RORA: variants seen among roughly 807,000 people sequenced by gnomAD.
RORA encodes the protein nuclear receptor ROR-alpha.
A neutral mutation model predicts 69.5 loss-of-function variants in RORA; 7 were observed. The ratio of observed to expected loss-of-function variants is 0.10; its 90% CI spans 0.06 to 0.19. The LOEUF (loss-of-function observed/expected upper bound fraction) is 0.19. Among genes scored for constraint, RORA ranks in the 10% least tolerant of loss-of-function variants. The pLI is 1.00. For missense variants in RORA, 457 were observed against 663.0 expected (o/e 0.69, Z 3.41); for synonymous variants, 261 against 240.8 (o/e 1.08, Z -0.78).
intron 1 of RORA, among the ~76,000 whole-genome samples, chr15:61,040,143 T>G (rs939639689): frequency 1.8e-5 from 2 of 111,440 alleles, no homozygotes; most frequent in African/African-American, 6.2e-5. Flanking sequence ...TATATATATA[T>G]ATATATATAT....
intron 1 of RORA, among the ~76,000 whole-genome samples, chr15:61,029,983 G>A (rs926478348): frequency 6.6e-6 from 1 of 152,146 alleles, no homozygotes; most frequent in African/African-American, 2.4e-5. Flanking sequence ...GAGATGACAG[G>A]AAGGCTTGAG....
chr15:61,191,914 C>T (rs2079803913), intron 1 of RORA, among the ~76,000 whole-genome samples: 1 of 152,250 alleles, frequency 6.6e-6, no homozygotes, highest in South Asian at 2.1e-4. Context: ...TATTGCCATT[C>T]AAGCTTCGCT....
intron 1 of RORA, among the ~76,000 whole-genome samples, chr15:60,773,256 A>C (rs1217812755): frequency 6.6e-6 from 1 of 152,186 alleles, no homozygotes; most frequent in African/African-American, 2.4e-5. Flanking sequence ...TGACTTGAAG[A>C]ATGATCTTTA....
intron 2 of RORA, chr15:60,592,628 G>C (rs2068563584): frequency 8.8e-7 from 1 of 1,141,402 alleles, no homozygotes; most frequent in Non-Finnish European, 1.1e-6. Context: ...GCTTCCTCCC[G>C]GGGCGGGAGG....
intron 1 of RORA, among the ~76,000 whole-genome samples, chr15:61,040,906 A>C (rs778884607): frequency 3.9e-5 from 6 of 152,246 alleles, no homozygotes; most frequent in Non-Finnish European, 8.8e-5. Flanking sequence ...AGAAACCAAA[A>C]GCAACTATAG....
rs1277380120 is a variant in RORA at position 61,213,598 on chromosome 15, C to A, written c.166+15455G>T. On this transcript the variant is annotated intron_variant, in intron 1 of 10. Transcript: ENST00000335670. The surrounding 1 kb of genome is among the most constrained non-coding windows in gnomAD (Gnocchi z 4.1). ...GCCTGGAATGCCCTGTCACTTTTTGCCAAAAGAATCTCCTCATTTTTCTAA... is the reference window on the plus strand; with the variant it reads ...GCCTGGAATGCCCTGTCACTTTTTGACAAAAGAATCTCCTCATTTTTCTAA... Among the ~76,000 whole-genome samples, 7 of 152,044 alleles carry A rather than the reference C, an allele frequency of 4.6e-5. No individual in the cohort carries two copies. The highest frequency in any genetic ancestry group is 4.6e-4 in the Admixed American group (7 of 15,270).
chr15:60,579,300 C>T lies in RORA; in HGVS notation c.197-47449G>A, dbSNP rs1003422939. ...AGCTTCTGAGAGGGCCTTGGGGCCC[C>T]GCAGGGGGTCCCTGGATCACACATT... On this transcript the variant is annotated intron_variant, in intron 2 of 10. Transcript: ENST00000335670. 2.6e-5 allele frequency among the ~76,000 whole-genome samples: 4 copies of T among 152,200 alleles called. No homozygotes were observed. In the South Asian group the frequency reaches 6.2e-4, roughly 24 times the overall value.
intron 2 of RORA, among the ~76,000 whole-genome samples, chr15:60,604,458 GC>G (rs1413641596): frequency 6.6e-6 from 1 of 152,102 alleles, no homozygotes; most frequent in Non-Finnish European, 1.5e-5. Context: ...AAATGTCACT[GC>G]CCTATAGACA....
At chr15:60,719,807 A>G (rs529469613) in intron 1 of RORA, among the ~76,000 whole-genome samples, 1 of 152,276 alleles carries the variant, frequency 6.6e-6, no homozygotes, top group African/African-American at 2.4e-5. Flanking sequence ...CTCCTACTTC[A>G]AGGGTTGGTG....
At chr15:61,012,619 G>C (rs1399203664) in intron 1 of RORA, among the ~76,000 whole-genome samples, 1 of 151,878 alleles carries the variant, frequency 6.6e-6, no homozygotes, top group Non-Finnish European at 1.5e-5. Flanking sequence ...CCTTTCTCAA[G>C]TGCCTGGCAA....
intron 1 of RORA, among the ~76,000 whole-genome samples, chr15:61,077,693 T>C (rs1275472155): frequency 3.3e-5 from 5 of 152,202 alleles, no homozygotes; most frequent in African/African-American, 1.2e-4. Flanking sequence ...TTGAAAAATG[T>C]GCCTTTTTAT....
At chr15:60,530,723 C>T (rs1437664049) in intron 3 of RORA, 1 of 152,164 alleles carries the variant, frequency 6.6e-6, no homozygotes, top group Non-Finnish European at 1.5e-5. Context: ...TATTTTACAA[C>T]ATTGTATTTT....
In RORA at chr15:61,182,391, C is replaced by T. The variant is rs527811157; in HGVS notation, c.166+46662G>A. On this transcript the variant is annotated intron_variant, in intron 1 of 10. Coordinates refer to ENST00000335670, the MANE Select transcript of RORA (RefSeq NM_134261.3). Reference sequence around the variant, plus strand: ...GTGCAGATACTCTTTCAGAAATGTGCGTTTGGAAAAATTGCTAGCCCTGAG... The same window carrying T: ...GTGCAGATACTCTTTCAGAAATGTGTGTTTGGAAAAATTGCTAGCCCTGAG... 3.9e-5 allele frequency among the ~76,000 whole-genome samples: 6 copies of T among 152,306 alleles called. No homozygotes were observed. In the South Asian group the frequency reaches 1.2e-3, roughly 32 times the overall value.
chr15:60,721,920 C>T (rs1206985686), intron 1 of RORA, among the ~76,000 whole-genome samples: 1 of 152,258 alleles, frequency 6.6e-6, no homozygotes, highest in African/African-American at 2.4e-5. Flanking sequence ...CTCAAGGACT[C>T]GCCCTAGACG....
intron 1 of RORA, among the ~76,000 whole-genome samples, chr15:61,157,135 T>A (rs1479154784): frequency 6.6e-6 from 1 of 152,212 alleles, no homozygotes; most frequent in South Asian, 2.1e-4. Context: ...ACTTAGTAAA[T>A]GTTCGCAGGA....
At chr15:61,152,825 G>A (rs2079409009) in intron 1 of RORA, among the ~76,000 whole-genome samples, 2 of 152,208 alleles carry the variant, frequency 1.3e-5, no homozygotes, top group African/African-American at 4.8e-5. Context: ...GCAAGCACTT[G>A]TAGATAAATA....
rs77783751 is a variant in RORA, at chr15:60,552,727, T to C, written c.197-20876A>G. On this transcript the variant is annotated intron_variant, in intron 2 of 10. Coordinates refer to ENST00000335670, the MANE Select transcript of RORA (RefSeq NM_134261.3). ...AAATTAAAGTGTCTAAAAAAATCAA[T>C]TGGGGCAGGCATCTTCTTCTGAACT... Among the ~76,000 whole-genome samples, 211 of 152,302 alleles carry C rather than the reference T, an allele frequency of 1.4e-3. 4 individuals are homozygous for C. In the East Asian group the frequency reaches 0.036, roughly 26 times the overall value.
At chr15:60,887,153 A>C (rs1277623122) in intron 1 of RORA, among the ~76,000 whole-genome samples, 1 of 152,098 alleles carries the variant, frequency 6.6e-6, no homozygotes, top group Non-Finnish European at 1.5e-5. Context: ...AGAGAGAGAG[A>C]GAGAGAGAGA....
intron 2 of RORA, among the ~76,000 whole-genome samples, chr15:60,612,661 G>GTT (rs71122864): frequency 4.2e-3 from 448 of 106,964 alleles, no homozygotes; most frequent in Non-Finnish European, 6.3e-3. Flanking sequence ...CTCTCTCTCT[G>GTT]TTTTTTTTTT....
Sources: gnomAD v4.1 joint callset for allele counts (sites outside exome capture counted in the v4.1 genomes callset) on GRCh38, gnomAD v4.1.1 for gene constraint, Gnocchi (gnomAD v3.1) non-coding constraint, MANE v1.5 for transcripts, NCBI Gene and HGNC (gene_info 2026-07-23, HGNC 2026-07-21) for gene names.